Variants in RFX3 observed in about 807,000 individuals in gnomAD.
The protein encoded by RFX3 is regulatory factor X3, also known as transcription factor RFX3.
Under a neutral mutation model 98.6 loss-of-function variants are expected in RFX3, and 14 were observed. The ratio of observed to expected loss-of-function variants is 0.14; its 90% CI spans 0.09 to 0.22. The LOEUF (loss-of-function observed/expected upper bound fraction) is 0.22. Among genes scored for constraint, RFX3 ranks in the 10% least tolerant of loss-of-function variants. RFX3 has a pLI of 1.00. For synonymous variants in RFX3, 383 were observed against 328.4 expected, an observed-to-expected ratio of 1.17 and a Z score of -1.80; for missense variants, 639 against 926.9, an observed-to-expected ratio of 0.69 and a Z score of 4.03.
chr9:3,273,675 C>T (rs1232883188), intron 9 of RFX3, among the ~76,000 whole-genome samples: 1 of 151,906 alleles, frequency 6.6e-6, no homozygotes, highest in African/African-American at 2.4e-5. Flanking sequence ...ACCAGCCTGG[C>T]CAACACAGTG....
intron 15 of RFX3, among the ~76,000 whole-genome samples, chr9:3,243,453 G>T (rs554168496): frequency 1.3e-5 from 2 of 152,038 alleles, no homozygotes; most frequent in Admixed American, 1.3e-4. Flanking sequence ...CAGCTTAGGG[G>T]AGTCCATTGT....
At chr9:3,412,926 C>T (rs914331976) in intron 1 of RFX3, among the ~76,000 whole-genome samples, 5 of 152,060 alleles carry the variant, frequency 3.3e-5, no homozygotes, top group Non-Finnish European at 7.4e-5. Context: ...AAATCAATAA[C>T]TATAGAGAAC....
Position 3,397,149 on chromosome 9 carries a change from G to C in RFX3, c.-8-1553C>G, listed in dbSNP as rs534248761. On this transcript the variant is annotated intron_variant, in intron 1 of 16. Coordinates refer to ENST00000617270, the MANE Select transcript of RFX3 (RefSeq NM_001282116.2). ...TAAACATGCCACGTTTCTCAGTTTT[G>C]CCTGACCTGCCATTGTTTACTCTAA... Among the ~76,000 whole-genome samples the C allele has an allele frequency of 4.2e-4, 64 of 152,170 alleles. No homozygotes were observed. The South Asian group carries it at 1.0e-2, about 24-fold the overall frequency.
At chr9:3,427,376 T>C (rs1401793310) in intron 1 of RFX3, among the ~76,000 whole-genome samples, 1 of 130,324 alleles carries the variant, frequency 7.7e-6, no homozygotes, top group African/African-American at 3.6e-5. Flanking sequence ...TATATTGTTA[T>C]TATATAATAA....
chr9:3,449,296 C>T (rs1051451554), intron 1 of RFX3, among the ~76,000 whole-genome samples: 1 of 152,232 alleles, frequency 6.6e-6, no homozygotes, highest in Non-Finnish European at 1.5e-5. Flanking sequence ...CCCATCTCTA[C>T]ACTAAGCTCC....
chr9:3,399,864 A>C (rs1185577764), intron 1 of RFX3, among the ~76,000 whole-genome samples: 1 of 150,374 alleles, frequency 6.7e-6, no homozygotes, highest in African/African-American at 2.4e-5. Flanking sequence ...CAGGAGAGTC[A>C]CTTGAACCTG....
At chr9:3,352,132 A>C (rs72699073) in intron 2 of RFX3, among the ~76,000 whole-genome samples, 5,195 of 152,174 alleles carry the variant, frequency 0.034, 123 homozygotes, top group Non-Finnish European at 0.053. Context: ...TTGCCAATAC[A>C]TATTACTAAG....
At chr9:3,483,573 T>C (rs1037842285) in intron 1 of RFX3, among the ~76,000 whole-genome samples, 15 of 151,972 alleles carry the variant, frequency 9.9e-5, no homozygotes, top group Middle Eastern at 3.4e-3. Flanking sequence ...CTGTTATACT[T>C]AGGGGAACTC....
intron 2 of RFX3, among the ~76,000 whole-genome samples, chr9:3,395,034 C>A (rs1445584652): frequency 4.6e-5 from 7 of 152,140 alleles, no homozygotes; most frequent in African/African-American, 1.7e-4. Context: ...TCTAAAATAC[C>A]ACAAAGGCAA....
chr9:3,221,588 TACAGTCAGTCCAAAC>T lies in RFX3; in HGVS notation c.*3439_*3453del, dbSNP rs1160703560. 1 of 152,162 alleles carries T rather than the reference TACAGTCAGTCCAAAC, an allele frequency of 6.6e-6. No homozygotes were observed. The highest frequency in any genetic ancestry group is 1.5e-5 in the Non-Finnish European group (1 of 68,020). The allele number at this position is 152,162 out of a possible 1,614,324, so 9.4% of individuals were successfully genotyped here. A position where few individuals can be genotyped will look rare whatever the true frequency, so the allele number is the denominator to read the frequency against. On this transcript the variant is annotated 3_prime_UTR_variant, in exon 17 of 17. Transcript: ENST00000617270. ...ATTTCTGAAAAGGCAGTAAGACTTATACAGTCAGTCCAAACACAGTTTGGATGAAAATCCTGAATA... is the reference window on the plus strand; with the variant it reads ...ATTTCTGAAAAGGCAGTAAGACTTATACAGTTTGGATGAAAATCCTGAATA...
In RFX3 at chr9:3,429,224, G is replaced by A. The variant is rs965357676; in HGVS notation, c.-8-33628C>T. On this transcript the variant is annotated intron_variant, in intron 1 of 16. Coordinates refer to ENST00000617270, the MANE Select transcript of RFX3 (RefSeq NM_001282116.2). ...TTTTTAGTAGAAACGGGGTTTCACC[G>A]TGTTAGCCAAGATGGTCTCGATCTC... Among the ~76,000 whole-genome samples, 64 of 150,616 alleles carry A rather than the reference G, an allele frequency of 4.2e-4. 1 individual carries two copies. The highest frequency in any genetic ancestry group is 1.4e-3 in the African/African-American group (56 of 41,246).
At chr9:3,309,879 C>A (rs1177195393) in intron 4 of RFX3, among the ~76,000 whole-genome samples, 1 of 152,056 alleles carries the variant, frequency 6.6e-6, no homozygotes, top group Non-Finnish European at 1.5e-5. Context: ...TTCACTGGAG[C>A]ATTGAGAGAT....
At chr9:3,422,753 T>G (rs897657568) in intron 1 of RFX3, among the ~76,000 whole-genome samples, 1 of 152,164 alleles carries the variant, frequency 6.6e-6, no homozygotes, top group African/African-American at 2.4e-5. Context: ...ACTGAACACC[T>G]GTACTATGTA....
chr9:3,515,529 A>T (rs1564196619), intron 1 of RFX3, among the ~76,000 whole-genome samples: 1 of 152,128 alleles, frequency 6.6e-6, no homozygotes, highest in Non-Finnish European at 1.5e-5. Flanking sequence ...GGTCCAGGAA[A>T]ATTAACTGGG....
At chr9:3,292,790 T>C (rs1827556317) in intron 6 of RFX3, among the ~76,000 whole-genome samples, 1 of 152,146 alleles carries the variant, frequency 6.6e-6, no homozygotes, top group Non-Finnish European at 1.5e-5. Flanking sequence ...AAGCACCATA[T>C]GCAAATCTTG....
intron 1 of RFX3, among the ~76,000 whole-genome samples, chr9:3,437,220 G>A (rs1335081179): frequency 6.6e-6 from 1 of 151,998 alleles, no homozygotes; most frequent in Non-Finnish European, 1.5e-5. Flanking sequence ...AGCTTTAGTT[G>A]GCACACTGCC....
At chr9:3,504,900 TTATATA>T (rs372833954) in intron 1 of RFX3, among the ~76,000 whole-genome samples, 40 of 62,694 alleles carry the variant, frequency 6.4e-4, no homozygotes, top group Middle Eastern at 0.016. Context: ...ATAACATATA[TTATATA>T]TATATATAAT....
chr9:3,421,833 T>G (rs1843467176), intron 1 of RFX3, among the ~76,000 whole-genome samples: 1 of 152,180 alleles, frequency 6.6e-6, no homozygotes, highest in South Asian at 2.1e-4. Context: ...CTATTCCTAA[T>G]GCAATGGCAC....
At chr9:3,474,592 T>A (rs1160593662) in intron 1 of RFX3, among the ~76,000 whole-genome samples, 3 of 152,194 alleles carry the variant, frequency 2.0e-5, no homozygotes, top group Non-Finnish European at 2.9e-5. Context: ...AATTTATAGA[T>A]GAGATTACTG....
Sources: gnomAD v4.1 joint callset for allele counts (sites outside exome capture counted in the v4.1 genomes callset) on GRCh38, gnomAD v4.1.1 for gene constraint, MANE v1.5 for transcripts, NCBI Gene and HGNC (gene_info 2026-07-23, HGNC 2026-07-21) for gene names.